The following BLTP1 variants were observed in gnomAD, a reference collection of about 807,000 sequenced individuals.
The protein encoded by BLTP1 is fragile site-associated protein.
At chr4:122,233,201 A>C in the BLTP1 span, among the ~76,000 whole-genome samples, 1 of 152,228 alleles carries the variant, frequency 6.6e-6, no homozygotes, top group Non-Finnish European at 1.5e-5. Context: ...ACGTTTGAGA[A>C]CTAGTGCATT....
At chr4:122,269,310 A>G in the BLTP1 span, 2 of 552,434 alleles carry the variant, frequency 3.6e-6, no homozygotes, top group Non-Finnish European at 4.6e-6. Context: ...GCTGTAGCCT[A>G]TTTATTGGCC....
At chr4:122,254,635 C>CG in the BLTP1 span, 1 of 514,782 alleles carries the variant, frequency 1.9e-6, no homozygotes, top group African/African-American at 5.7e-5. Flanking sequence ...TTCTATTGTC[C>CG]ATTTTTTTTA....
At chr4:122,341,582 T>A in the BLTP1 span, 1 of 696,342 alleles carries the variant, frequency 1.4e-6, no homozygotes, top group Non-Finnish European at 1.8e-6. Context: ...AAATTTTTTA[T>A]GCCCAAATTT....
At chr4:122,218,186 GT>G in the BLTP1 span, among the ~76,000 whole-genome samples, 1 of 151,682 alleles carries the variant, frequency 6.6e-6, no homozygotes, top group Admixed American at 6.6e-5. Context: ...ATCTCTTCAA[GT>G]TTTTAATGTT....
chr4:122,195,624 C>T, the BLTP1 span: 1 of 361,454 alleles, frequency 2.8e-6, no homozygotes, highest in South Asian at 1.1e-4. Context: ...TCAAAGCAGC[C>T]CTTCAGGTCT....
At chr4:122,292,361 TAGAC>T in the BLTP1 span, 3 of 868,976 alleles carry the variant, frequency 3.5e-6, no homozygotes, top group African/African-American at 5.4e-5. Context: ...TAAGAAAAAT[TAGAC>T]AGATGTGAAT....
chr4:122,163,191 C>T, the BLTP1 span, among the ~76,000 whole-genome samples: 1 of 152,006 alleles, frequency 6.6e-6, no homozygotes, highest in Non-Finnish European at 1.5e-5. Context: ...GGGAAATGAT[C>T]ATAGGAAACA....
chr4:122,175,345 C>T, the BLTP1 span: 1 of 767,826 alleles, frequency 1.3e-6, no homozygotes, highest in African/African-American at 1.9e-5. Context: ...CCTTTTGGGG[C>T]ATGAGATGAT....
the BLTP1 span, among the ~76,000 whole-genome samples, chr4:122,275,425 C>T: frequency 1.3e-5 from 2 of 152,216 alleles, no homozygotes; most frequent in East Asian, 3.9e-4. Context: ...AATGCTTCTA[C>T]TGAAAGTCAT....
At chr4:122,303,214 A>G in the BLTP1 span, among the ~76,000 whole-genome samples, 1 of 152,290 alleles carries the variant, frequency 6.6e-6, no homozygotes, top group Admixed American at 6.5e-5. Flanking sequence ...GAATTACGCT[A>G]AATCTCTGCC....
the BLTP1 span, chr4:122,183,529 A>G: frequency 1.0e-5 from 10 of 984,900 alleles, no homozygotes; most frequent in Non-Finnish European, 1.1e-5. Flanking sequence ...TATTTATGAT[A>G]AGAATTTCCA....
the BLTP1 span, chr4:122,254,441 G>GTATTAAGTT: frequency 8.5e-6 from 11 of 1,295,718 alleles, no homozygotes; most frequent in Non-Finnish European, 1.1e-5. Context: ...TTACTTTTCT[G>GTATTAAGTT]GTATATATAG....
At chr4:122,257,294 T>G in the BLTP1 span, 2 of 1,613,824 alleles carry the variant, frequency 1.2e-6, no homozygotes, top group Non-Finnish European at 1.7e-6. Context: ...GAAGAAAGGT[T>G]TAGTTGCACT....
the BLTP1 span, among the ~76,000 whole-genome samples, chr4:122,231,331 A>G: frequency 1.3e-5 from 2 of 152,222 alleles, no homozygotes; most frequent in South Asian, 4.1e-4. Context: ...TGATAAGTGA[A>G]AGGTGGCATC....
At chr4:122,219,562 C>G in the BLTP1 span, 1 of 1,612,444 alleles carries the variant, frequency 6.2e-7, no homozygotes, top group Non-Finnish European at 8.5e-7. Context: ...TGGGCGTCTT[C>G]CTGTTGTAAG....
the BLTP1 span, chr4:122,262,691 G>A: frequency 1.3e-6 from 2 of 1,497,224 alleles, no homozygotes; most frequent in Admixed American, 4.5e-5. Context: ...AACAGTAATA[G>A]TAATAGTGGT....
the BLTP1 span, chr4:122,255,218 C>T: frequency 6.2e-7 from 1 of 1,613,160 alleles, no homozygotes; most frequent in South Asian, 1.1e-5. Flanking sequence ...TTCATGTTTA[C>T]TATGTAATAT....
At chr4:122,240,010 G>A in the BLTP1 span, 1 of 1,614,148 alleles carries the variant, frequency 6.2e-7, no homozygotes, top group Non-Finnish European at 8.5e-7. Context: ...CCACTTACTG[G>A]ACATGGAGAA....
At chr4:122,156,108 A>G in the BLTP1 span, 1 of 270,678 alleles carries the variant, frequency 3.7e-6, no homozygotes, top group Non-Finnish European at 5.7e-6. Flanking sequence ...GGGGAACATG[A>G]TTGGAGGAGA....
Sources: allele counts gnomAD v4.1 joint callset (sites outside exome capture counted in the v4.1 genomes callset), GRCh38; gene constraint gnomAD v4.1.1; transcripts MANE v1.5; gene names NCBI Gene and HGNC (gene_info 2026-07-23, HGNC 2026-07-21).